GBE1: variants seen among roughly 807,000 people sequenced by gnomAD.
The protein encoded by GBE1 is 1,4-alpha-glucan branching enzyme 1, also known as 1,4-alpha-glucan-branching enzyme.
In GBE1, 70 loss-of-function variants were observed where a neutral mutation model predicts 88.8. The observed-to-expected ratio is 0.79, with a 90% CI of 0.65 to 0.96. The LOEUF is 0.96. Ranked by LOEUF, GBE1 falls within the 40% of genes least tolerant of loss-of-function variation. The probability of loss-of-function intolerance (pLI) is 0.00; values close to 1 mark genes in which losing one functional copy is unlikely to be tolerated. For synonymous variants in GBE1, 284 were observed against 300.1 expected (o/e 0.95, Z 0.56); for missense variants, 872 against 871.0 (o/e 1.00, Z -0.01).
intron 12 of GBE1, among the ~76,000 whole-genome samples, chr3:81,566,852 C>G (rs1160831525): frequency 6.6e-6 from 1 of 152,142 alleles, no homozygotes; most frequent in African/African-American, 2.4e-5. Flanking sequence ...AACTACAGTT[C>G]TCCTTTAGGC....
At chr3:81,749,862 C>T (rs1245195514) in intron 1 of GBE1, among the ~76,000 whole-genome samples, 1 of 152,074 alleles carries the variant, frequency 6.6e-6, no homozygotes, top group African/African-American at 2.4e-5. Flanking sequence ...TTCAAATGTC[C>T]TCTGACTTTA....
At chr3:81,641,815 T>C (rs1266366875) in intron 7 of GBE1, among the ~76,000 whole-genome samples, 3 of 151,682 alleles carry the variant, frequency 2.0e-5, no homozygotes, top group East Asian at 1.9e-4. Context: ...CATTTTTCTA[T>C]ACAGCCTATT....
intron 12 of GBE1, among the ~76,000 whole-genome samples, chr3:81,553,311 T>C (rs1207601175): frequency 6.8e-6 from 1 of 147,622 alleles, no homozygotes; most frequent in East Asian, 2.0e-4. Context: ...TGTTCTCCTG[T>C]GCTTCCACTT....
intron 2 of GBE1, among the ~76,000 whole-genome samples, chr3:81,681,742 C>T: frequency 6.6e-6 from 1 of 152,030 alleles, no homozygotes; most frequent in Admixed American, 6.6e-5. Context: ...ACCAATAGTT[C>T]TGGAACAACT....
At chr3:81,727,379 C>T (rs1559700610) in intron 1 of GBE1, among the ~76,000 whole-genome samples, 1 of 152,136 alleles carries the variant, frequency 6.6e-6, no homozygotes, top group East Asian at 1.9e-4. Flanking sequence ...ATCTCTAATC[C>T]TACAGATGAG....
At chr3:81,682,477 A>T (rs1354314791) in intron 2 of GBE1, among the ~76,000 whole-genome samples, 1 of 152,108 alleles carries the variant, frequency 6.6e-6, no homozygotes, top group Non-Finnish European at 1.5e-5. Flanking sequence ...TAAATAAATA[A>T]ATAAATAAAA....
At position 81,501,312 on chromosome 3, in the gene GBE1, C is replaced by T. The variant is rs543954796; in HGVS notation, c.1935-2085G>A. Among the ~76,000 whole-genome samples the T allele has an allele frequency of 5.3e-5, 8 of 152,244 alleles. No homozygotes were observed. The South Asian group carries it at 6.2e-4, about 12-fold the overall frequency. ...TAGGTTTGTTTGTACAGGTCTGTTT[C>T]GGCATGGCTTCCCAATGTCTGGTGA... On this transcript the variant is annotated intron_variant, in intron 14 of 15. Coordinates refer to ENST00000429644, the MANE Select transcript of GBE1 (RefSeq NM_000158.4).
chr3:81,670,805 A>G, intron 3 of GBE1, 33 bp downstream of exon 3: 1 of 1,149,750 alleles, frequency 8.7e-7, no homozygotes, highest in Non-Finnish European at 1.2e-6. Flanking sequence ...AGAAAATGAT[A>G]AGTTCAAGAA....
In GBE1 at chr3:81,593,853, TGGCTA is replaced by T. The variant is rs1458066220; in HGVS notation, c.1108+50_1108+54del. 1.9e-5 allele frequency: 15 copies of T among 790,978 alleles called. No homozygotes were observed. In the African/African-American group the frequency reaches 2.7e-4, roughly 14 times the overall value. 49.0% of individuals were successfully genotyped at this position (790,978 alleles called of 1,614,324 possible). A position where few individuals can be genotyped will look rare whatever the true frequency, so the allele number is the denominator to read the frequency against. Reference sequence around the variant, plus strand: ...CTAATAAAAACCAAGACACCAGTAATGGCTATTGCAGCTTCTGCAATTAACCCCAA... The same window carrying T: ...CTAATAAAAACCAAGACACCAGTAATTTGCAGCTTCTGCAATTAACCCCAA... On this transcript the variant is annotated intron_variant, in intron 8 of 15. Transcript: ENST00000429644.
At chr3:81,610,766 CA>C (rs1356738698) in intron 7 of GBE1, among the ~76,000 whole-genome samples, 3 of 152,090 alleles carry the variant, frequency 2.0e-5, no homozygotes, top group Non-Finnish European at 4.4e-5. Context: ...CACAGTGGGT[CA>C]GAGGTGACCA....
At chr3:81,577,165 C>T (rs1212958593) in intron 12 of GBE1, among the ~76,000 whole-genome samples, 1 of 151,886 alleles carries the variant, frequency 6.6e-6, no homozygotes, top group Non-Finnish European at 1.5e-5. Flanking sequence ...TGGTCTCTAA[C>T]TCTTCGCCTC....
chr3:81,491,423 T>C (rs1401138781), intron 15 of GBE1, among the ~76,000 whole-genome samples: 1 of 152,192 alleles, frequency 6.6e-6, no homozygotes, highest in Non-Finnish European at 1.5e-5. Context: ...AGGTAGATGT[T>C]GATGACTGAA....
At chr3:81,547,594 T>G (rs1703223076) in intron 12 of GBE1, among the ~76,000 whole-genome samples, 1 of 149,812 alleles carries the variant, frequency 6.7e-6, no homozygotes, top group Non-Finnish European at 1.5e-5. Flanking sequence ...GGATAAGAAT[T>G]TCTTACTAGT....
intron 2 of GBE1, among the ~76,000 whole-genome samples, chr3:81,697,298 C>G (rs1002273394): frequency 2.5e-4 from 37 of 149,862 alleles, no homozygotes; most frequent in African/African-American, 8.2e-4. Context: ...GGGCAGACAA[C>G]ATCTTTTTTT....
intron 1 of GBE1, among the ~76,000 whole-genome samples, chr3:81,744,238 T>A (rs1281407582): frequency 6.6e-6 from 1 of 152,008 alleles, no homozygotes; most frequent in Non-Finnish European, 1.5e-5. Context: ...AAAATACACA[T>A]CAGATTTCAA....
chr3:81,532,251 G>T (rs1218109919), intron 14 of GBE1, among the ~76,000 whole-genome samples: 1 of 151,868 alleles, frequency 6.6e-6, no homozygotes, highest in Non-Finnish European at 1.5e-5. Flanking sequence ...TGTTCAATTT[G>T]GTGTTCCTGT....
intron 12 of GBE1, among the ~76,000 whole-genome samples, chr3:81,574,585 A>C (rs1436282192): frequency 6.6e-6 from 1 of 152,200 alleles, no homozygotes; most frequent in Admixed American, 6.5e-5. Flanking sequence ...TAACTAATCT[A>C]GATACTGATC....
intron 10 of GBE1, among the ~76,000 whole-genome samples, chr3:81,584,413 C>G (rs1703771377): frequency 1.3e-5 from 2 of 151,942 alleles, no homozygotes; most frequent in Non-Finnish European, 1.5e-5. Context: ...ATGGGAGCCA[C>G]TTATTGAATT....
rs147342955 is a variant in GBE1, at chr3:81,731,222, T to C, written c.144-25609A>G. Among the ~76,000 whole-genome samples the C allele has an allele frequency of 5.6e-3, 860 of 152,232 alleles. 13 individuals carry two copies. The highest frequency in any genetic ancestry group is 0.019 in the African/African-American group (786 of 41,550). On this transcript the variant is annotated intron_variant, in intron 1 of 15. Transcript: ENST00000429644. Reference sequence around the variant, plus strand: ...ATTTGAAAGGTCCAGGAAGAGATCATGGAGAAGTGGAGTAGATCACGACAC... The same window carrying C: ...ATTTGAAAGGTCCAGGAAGAGATCACGGAGAAGTGGAGTAGATCACGACAC...
Sources: allele counts gnomAD v4.1 joint callset (sites outside exome capture counted in the v4.1 genomes callset), GRCh38; gene constraint gnomAD v4.1.1; transcripts MANE v1.5; gene names NCBI Gene and HGNC (gene_info 2026-07-23, HGNC 2026-07-21).